Variants in OPCML observed in about 807,000 individuals in gnomAD.
The protein encoded by OPCML is opioid-binding protein/cell adhesion molecule.
In OPCML, 13 loss-of-function variants were observed where a neutral mutation model predicts 37.8. That is an observed-to-expected ratio of 0.34 (90% CI 0.22 to 0.55). The LOEUF (loss-of-function observed/expected upper bound fraction) is 0.55, where lower values mean the gene tolerates loss of function less well. Ranked by LOEUF, OPCML falls within the 20% of genes least tolerant of loss-of-function variation. OPCML has a pLI of 0.91. For missense variants in OPCML, 341 were observed against 435.6 expected, an observed-to-expected ratio of 0.78 and a Z score of 1.93; for synonymous variants, 176 against 168.8, an observed-to-expected ratio of 1.04 and a Z score of -0.33.
chr11:132,805,351 A>C (rs1938939124), intron 2 of OPCML, among the ~76,000 whole-genome samples: 1 of 152,348 alleles, frequency 6.6e-6, no homozygotes, highest in East Asian at 1.9e-4. Flanking sequence ...GTGCCTAAGA[A>C]GAAGAAGAGA....
At chr11:132,858,633 C>G (rs1942164925) in intron 2 of OPCML, among the ~76,000 whole-genome samples, 2 of 152,168 alleles carry the variant, frequency 1.3e-5, no homozygotes. Context: ...AAATCCCATC[C>G]AAGTCCTGAC....
chr11:133,224,177 T>TC (rs888093088), intron 1 of OPCML, among the ~76,000 whole-genome samples: 1 of 152,224 alleles, frequency 6.6e-6, no homozygotes, highest in Admixed American at 6.5e-5. Context: ...TTGCCATTAG[T>TC]CCCCGAGCCA....
chr11:132,934,767 T>C (rs1945317695), intron 2 of OPCML, among the ~76,000 whole-genome samples: 1 of 152,202 alleles, frequency 6.6e-6, no homozygotes, highest in Non-Finnish European at 1.5e-5. Flanking sequence ...CTGTCCTTTA[T>C]CTATCTTCCT....
intron 2 of OPCML, among the ~76,000 whole-genome samples, chr11:132,704,799 C>T (rs1379456071): frequency 6.6e-6 from 1 of 152,134 alleles, no homozygotes; most frequent in East Asian, 1.9e-4. Context: ...AGTCATTCTA[C>T]AGAAAATACC....
intron 1 of OPCML, among the ~76,000 whole-genome samples, chr11:133,041,130 A>T (rs1156905834): frequency 6.6e-6 from 1 of 152,182 alleles, no homozygotes. Flanking sequence ...CTGACCTTGG[A>T]AAAGTTACTT....
intron 2 of OPCML, among the ~76,000 whole-genome samples, chr11:132,917,356 A>G (rs1012908593): frequency 6.6e-6 from 1 of 152,158 alleles, no homozygotes; most frequent in African/African-American, 2.4e-5. Context: ...ATTAATATCT[A>G]TTGATTAAAG....
At chr11:132,797,144 T>C (rs1440620850) in intron 2 of OPCML, among the ~76,000 whole-genome samples, 1 of 152,228 alleles carries the variant, frequency 6.6e-6, no homozygotes, top group East Asian at 1.9e-4. Context: ...CTTTTGTCAC[T>C]TGTGTTTTCA....
intron 3 of OPCML, among the ~76,000 whole-genome samples, chr11:132,611,473 C>T (rs1938636168): frequency 6.6e-6 from 1 of 152,200 alleles, no homozygotes; most frequent in African/African-American, 2.4e-5. Context: ...ATTCTCCCAA[C>T]ATGGATAGTT....
chr11:133,153,846 G>C (rs56818011), intron 1 of OPCML, among the ~76,000 whole-genome samples: 1 of 151,938 alleles, frequency 6.6e-6, no homozygotes, highest in African/African-American at 2.4e-5. Flanking sequence ...AGTATCACAC[G>C]TGGGGGCTCC....
rs199807233 is a variant in OPCML at position 132,436,213 on chromosome 11, C to T, written c.789G>A (p.Met263Ile). 41 of 1,614,108 alleles carry T rather than the reference C, an allele frequency of 2.5e-5. No homozygotes were observed. Among genetic ancestry groups the T allele is most frequent in the Non-Finnish European group, 3.3e-5 (39 of 1,180,050 alleles). ...ETRLATGLDG[M>I]RIENKGRMST... The stretch of plus-strand genomic sequence containing the variant: ...ACATGCGGCCTTTGTTTTCAATCCT[C>T]ATTCCATCCAGACCAGTGGCTAACC... The change falls in exon 7 of 8, where the codon ATG (methionine) becomes ATA (isoleucine). Residue 263 changes from methionine to isoleucine, a missense_variant. Transcript: ENST00000524381.
At chr11:132,998,211 T>G (rs972411335) in intron 1 of OPCML, among the ~76,000 whole-genome samples, 7 of 152,176 alleles carry the variant, frequency 4.6e-5, no homozygotes, top group African/African-American at 1.7e-4. Context: ...GACACCATCA[T>G]GTGATAATCT....
At chr11:133,439,535 T>A (rs1946316946) in intron 1 of OPCML, among the ~76,000 whole-genome samples, 1 of 152,088 alleles carries the variant, frequency 6.6e-6, no homozygotes, top group Non-Finnish European at 1.5e-5. Flanking sequence ...TGGCTCCATC[T>A]CTGCTCACTG....
At chr11:132,923,888 C>T (rs538283464) in intron 2 of OPCML, among the ~76,000 whole-genome samples, 20 of 151,476 alleles carry the variant, frequency 1.3e-4, no homozygotes, top group Admixed American at 5.3e-4. Context: ...CTCAGCCTCC[C>T]GACTAGCTAG....
At chr11:132,872,925 CT>C (rs142924047) in intron 2 of OPCML, among the ~76,000 whole-genome samples, 15 of 147,192 alleles carry the variant, frequency 1.0e-4, no homozygotes, top group South Asian at 4.3e-4. Context: ...TTCTTTCTTT[CT>C]TTTTTTTTTT....
At chr11:132,709,375 A>G (rs569714680) in intron 2 of OPCML, among the ~76,000 whole-genome samples, 12 of 152,248 alleles carry the variant, frequency 7.9e-5, no homozygotes, top group Non-Finnish European at 1.8e-4. Context: ...CCATGGTACA[A>G]TAATCAAAAC....
At chr11:132,972,147 T>G (rs1365658314) in intron 1 of OPCML, among the ~76,000 whole-genome samples, 1 of 152,112 alleles carries the variant, frequency 6.6e-6, no homozygotes, top group East Asian at 1.9e-4. Flanking sequence ...TGCAGTTTCC[T>G]GATAATAATG....
intron 2 of OPCML, among the ~76,000 whole-genome samples, chr11:132,764,907 C>T (rs1946384081): frequency 6.6e-6 from 1 of 152,262 alleles, no homozygotes. Context: ...TTTCATTGCT[C>T]TACCAGGGCT....
rs568530192 is a variant in OPCML, at chr11:132,528,894, T to A, written c.505+167A>T. On this transcript the variant is annotated intron_variant, in intron 4 of 7. Coordinates refer to ENST00000524381, the MANE Select transcript of OPCML (RefSeq NM_001012393.5). ...ACCATCATTTAGCAAATTTCCTCTATGAATCCTTCTTTTGAAATGAAATAG... is the reference window on the plus strand; with the variant it reads ...ACCATCATTTAGCAAATTTCCTCTAAGAATCCTTCTTTTGAAATGAAATAG... Among the ~76,000 whole-genome samples the A allele has an allele frequency of 9.8e-5, 15 of 152,364 alleles. No homozygotes were observed. The South Asian group carries it at 1.7e-3, about 17-fold the overall frequency.
intron 1 of OPCML, among the ~76,000 whole-genome samples, chr11:133,317,715 C>T (rs886954131): frequency 6.6e-6 from 1 of 152,200 alleles, no homozygotes; most frequent in African/African-American, 2.4e-5. Flanking sequence ...AAACTTAAAA[C>T]CAGATGAGAT....
Sources: allele counts gnomAD v4.1 joint callset (sites outside exome capture counted in the v4.1 genomes callset), GRCh38; gene constraint gnomAD v4.1.1; transcripts MANE v1.5; gene names NCBI Gene and HGNC (gene_info 2026-07-23, HGNC 2026-07-21).